FRMPD4: variants seen among roughly 807,000 people sequenced by gnomAD.
The protein encoded by FRMPD4 is FERM and PDZ domain-containing protein 4.
FRMPD4 carries 22 observed loss-of-function variants against 94.1 expected under a neutral mutation model. The ratio of observed to expected loss-of-function variants is 0.23; its 90% CI spans 0.17 to 0.33. The LOEUF (loss-of-function observed/expected upper bound fraction) is 0.33, where lower values mean the gene tolerates loss of function less well. FRMPD4 is among the 10% of genes least tolerant of loss of function. The pLI, the probability that FRMPD4 is intolerant of heterozygous loss-of-function variation, is 1.00. For missense variants in FRMPD4, 1,111 were observed against 1,339.9 expected, an observed-to-expected ratio of 0.83 and a Z score of 2.67; for synonymous variants, 631 against 548.6, an observed-to-expected ratio of 1.15 and a Z score of -2.10.
At chrX:12,240,328 G>A (rs1000671692) in intron 1 of FRMPD4, among the ~76,000 whole-genome samples, 9 of 112,253 alleles carry the variant, frequency 8.0e-5, no homozygotes, top group African/African-American at 2.6e-4. Flanking sequence ...CTAATAATAT[G>A]TGGCTCTGCC....
At chrX:12,527,438 A>T (rs985966988) in intron 2 of FRMPD4, among the ~76,000 whole-genome samples, 6 of 108,596 alleles carry the variant, frequency 5.5e-5, no homozygotes, top group Non-Finnish European at 9.5e-5. Flanking sequence ...TGGGTTTAAG[A>T]CTTGCAATAT....
intron 1 of FRMPD4, among the ~76,000 whole-genome samples, chrX:12,498,280 A>G (rs1344753731): frequency 1.8e-5 from 2 of 111,820 alleles, no homozygotes; most frequent in East Asian, 2.8e-4. Context: ...AGTCTTGGGC[A>G]TACATGAGGG....
intron 4 of FRMPD4, 77 bp downstream of exon 4, chrX:12,614,958 A>G: frequency 4.0e-6 from 2 of 497,508 alleles, no homozygotes; most frequent in South Asian, 9.3e-5. Flanking sequence ...TTAGCAGAGG[A>G]AGAGCCTCCT....
intron 3 of FRMPD4, among the ~76,000 whole-genome samples, chrX:12,018,712 C>T (rs1315119854): frequency 2.7e-5 from 3 of 111,666 alleles, no homozygotes; most frequent in Non-Finnish European, 3.8e-5. Flanking sequence ...TCACCATTCC[C>T]GGTCCAGATT....
At chrX:12,007,445 T>A (rs2054559565) in intron 3 of FRMPD4, among the ~76,000 whole-genome samples, 1 of 112,063 alleles carries the variant, frequency 8.9e-6, no homozygotes, top group African/African-American at 3.2e-5. Flanking sequence ...ATCTCTTTTT[T>A]CTACTCTTTC....
At chrX:11,961,301 T>C (rs1569133257) in intron 3 of FRMPD4, among the ~76,000 whole-genome samples, 1 of 111,457 alleles carries the variant, frequency 9.0e-6, no homozygotes, top group South Asian at 3.8e-4. Context: ...TCCTTTAGAG[T>C]GAAAAGAAAG....
chrX:12,353,313 A>G (rs981593698), intron 1 of FRMPD4, among the ~76,000 whole-genome samples: 3 of 112,308 alleles, frequency 2.7e-5, no homozygotes, highest in Non-Finnish European at 5.6e-5. Context: ...AGGCTGTGCT[A>G]TATCACTCAA....
rs772524724 is a variant in FRMPD4, at chrX:11,946,390, AGTTAG to A, written c.95+68375_95+68379del. Reference sequence around the variant, plus strand: ...GGGTTGCACTTTCCTTCCCTTTTAAAGTTAGGTATGATCGTGTGACTTGATTTGGC... The same window carrying A: ...GGGTTGCACTTTCCTTCCCTTTTAAAGTATGATCGTGTGACTTGATTTGGC... On this transcript the variant is annotated intron_variant, in intron 3 of 18. Coordinates refer to the FRMPD4 transcript ENST00000640291. Among the ~76,000 whole-genome samples the A allele has an allele frequency of 5.4e-5, 6 of 111,377 alleles. No individual in the cohort carries two copies. In the Admixed American group the frequency reaches 5.7e-4, roughly 11 times the overall value.
rs1470004833 is a variant in FRMPD4 at position 12,147,819 on chromosome X, CATTATT to C, written c.41+8816_41+8821del. Reference sequence around the variant, plus strand: ...TTTCGTGTTTCTGTGTCATATTTTTCATTATTATTATTATATCTGTTATGGTGATGT... The same window carrying C: ...TTTCGTGTTTCTGTGTCATATTTTTCATTATTATATCTGTTATGGTGATGT... On this transcript the variant is annotated intron_variant, in intron 1 of 16. Coordinates refer to ENST00000675598, the MANE Select transcript of FRMPD4 (RefSeq NM_001368397.1). 4.5e-5 allele frequency among the ~76,000 whole-genome samples: 5 copies of C among 111,807 alleles called. No individual in the cohort carries two copies. The East Asian group carries it at 1.4e-3, about 31-fold the overall frequency.
chrX:12,290,183 G>T (rs925049369), intron 1 of FRMPD4, among the ~76,000 whole-genome samples: 1 of 111,779 alleles, frequency 8.9e-6, no homozygotes, highest in Non-Finnish European at 1.9e-5. Context: ...GCAAGACAGG[G>T]CTATCAAATA....
At chrX:12,413,670 C>A (rs1451955098) in intron 1 of FRMPD4, among the ~76,000 whole-genome samples, 1 of 111,721 alleles carries the variant, frequency 9.0e-6, no homozygotes, top group Non-Finnish European at 1.9e-5. Context: ...TTTTCTAAAA[C>A]AAGAATGTCA....
At chrX:12,441,562 T>C (rs1448560321) in intron 1 of FRMPD4, among the ~76,000 whole-genome samples, 4 of 111,925 alleles carry the variant, frequency 3.6e-5, no homozygotes, top group African/African-American at 1.3e-4. Flanking sequence ...GATAGGCAGC[T>C]GGGGCAGGGC....
intron 2 of FRMPD4, among the ~76,000 whole-genome samples, chrX:12,546,767 C>A (rs1302033911): frequency 5.4e-5 from 6 of 110,392 alleles, no homozygotes; most frequent in Non-Finnish European, 1.1e-4. Flanking sequence ...ACCTCAAAAG[C>A]AGAAGTGGCA....
At chrX:12,002,186 G>T (rs2054527977) in intron 3 of FRMPD4, among the ~76,000 whole-genome samples, 1 of 111,696 alleles carries the variant, frequency 9.0e-6, no homozygotes, top group Non-Finnish European at 1.9e-5. Flanking sequence ...GGACAATTAA[G>T]GATGCATTTT....
At chrX:12,237,217 A>T (rs1361183348) in intron 1 of FRMPD4, among the ~76,000 whole-genome samples, 1 of 111,007 alleles carries the variant, frequency 9.0e-6, no homozygotes, top group African/African-American at 3.2e-5. Flanking sequence ...ATATTTTTGC[A>T]TTCTTTTCAT....
intron 1 of FRMPD4, among the ~76,000 whole-genome samples, chrX:12,146,775 C>A (rs1177605442): frequency 8.9e-6 from 1 of 112,315 alleles, no homozygotes; most frequent in Non-Finnish European, 1.9e-5. Flanking sequence ...ATTTTTGTGG[C>A]CCATCTCTTG....
At chrX:12,011,978 G>A (rs1168773687) in intron 3 of FRMPD4, among the ~76,000 whole-genome samples, 4 of 107,787 alleles carry the variant, frequency 3.7e-5, no homozygotes, top group African/African-American at 3.4e-5. Context: ...TCAACTCACT[G>A]CAACCTCCGC....
intron 3 of FRMPD4, among the ~76,000 whole-genome samples, chrX:12,056,358 G>A (rs1419385511): frequency 1.8e-5 from 2 of 111,977 alleles, no homozygotes; most frequent in Non-Finnish European, 3.8e-5. Context: ...TAATACTATA[G>A]GGGCCCTCTC....
chrX:12,045,281 G>A (rs1342297928), intron 3 of FRMPD4, among the ~76,000 whole-genome samples: 1 of 111,586 alleles, frequency 9.0e-6, no homozygotes, highest in African/African-American at 3.3e-5. Context: ...AGGTTTGCAA[G>A]CCCCACATGA....
Sources: allele counts gnomAD v4.1 joint callset (sites outside exome capture counted in the v4.1 genomes callset), GRCh38; gene constraint gnomAD v4.1.1; transcripts MANE v1.5; gene names NCBI Gene and HGNC (gene_info 2026-07-23, HGNC 2026-07-21).